The following PRDM2 variants were observed in gnomAD, a reference collection of about 807,000 sequenced individuals.
PRDM2 encodes the protein PR/SET domain 2.
PRDM2 carries 30 observed loss-of-function variants against 130.0 expected under a neutral mutation model. The ratio of observed to expected loss-of-function variants is 0.23; its 90% CI spans 0.17 to 0.31. The LOEUF is 0.31. Ranked by LOEUF, PRDM2 falls within the 10% of genes least tolerant of loss-of-function variation. The probability of loss-of-function intolerance (pLI) is 1.00; values close to 1 mark genes in which losing one functional copy is unlikely to be tolerated. For synonymous variants in PRDM2, 871 were observed against 782.4 expected (o/e 1.11, Z -1.89); for missense variants, 2,011 against 2,108.4 (o/e 0.95, Z 0.90).
chr1:13,705,182 T>A (rs761484559), intron 1 of PRDM2: 3 of 152,208 alleles, frequency 2.0e-5, no homozygotes, highest in African/African-American at 7.2e-5. Flanking sequence ...GGTAGGTCAC[T>A]TGTCCCCTGT....
intron 9 of PRDM2, among the ~76,000 whole-genome samples, chr1:13,820,141 G>C (rs553456839): frequency 6.6e-6 from 1 of 152,124 alleles, no homozygotes; most frequent in Non-Finnish European, 1.5e-5. Flanking sequence ...ACGGATCTTC[G>C]ACTTCTAATT....
chr1:13,740,625 C>T lies in PRDM2; in HGVS notation c.232-1380C>T, dbSNP rs1157488052. Among the ~76,000 whole-genome samples the T allele has an allele frequency of 2.0e-5, 3 of 152,276 alleles. No homozygotes were observed. In the East Asian group the frequency reaches 5.8e-4, roughly 29 times the overall value. On this transcript the variant is annotated intron_variant, in intron 4 of 9. Coordinates refer to ENST00000311066, the MANE Select transcript of PRDM2 (RefSeq NM_001393986.1). The stretch of plus-strand genomic sequence containing the variant: ...TCTGAGTCGAAGCCTTTCTTTATGA[C>T]AATTAAACAGGTGACTTTGGGAAAG...
chr1:13,749,924 C>A (rs1279889946), intron 6 of PRDM2, among the ~76,000 whole-genome samples: 5 of 152,110 alleles, frequency 3.3e-5, no homozygotes, highest in Non-Finnish European at 7.4e-5. Context: ...CAGACTCGGG[C>A]CCGCCGCGCA....
intron 1 of PRDM2, among the ~76,000 whole-genome samples, chr1:13,713,146 T>A (rs1006424582): frequency 2.8e-4 from 18 of 63,648 alleles, no homozygotes; most frequent in Admixed American, 4.4e-4. Flanking sequence ...GAGATTGTAG[T>A]AACTATCTCC....
chr1:13,769,894 T>A (rs937790940), intron 6 of PRDM2, among the ~76,000 whole-genome samples: 1 of 152,192 alleles, frequency 6.6e-6, no homozygotes, highest in African/African-American at 2.4e-5. Context: ...AGGGGACATC[T>A]GGCCATGTCT....
At chr1:13,793,400 T>G (rs892454788) in intron 8 of PRDM2, among the ~76,000 whole-genome samples, 1 of 152,122 alleles carries the variant, frequency 6.6e-6, no homozygotes, top group Non-Finnish European at 1.5e-5. Context: ...GCTAAGGAAA[T>G]TGCCAGGTCT....
At chr1:13,755,663 G>A (rs573466207) in intron 6 of PRDM2, among the ~76,000 whole-genome samples, 1 of 150,736 alleles carries the variant, frequency 6.6e-6, no homozygotes, top group African/African-American at 2.4e-5. Flanking sequence ...TTTTAAACTC[G>A]TTCAGTGTTT....
At chr1:13,738,373 A>G (rs2100495684) in intron 4 of PRDM2, among the ~76,000 whole-genome samples, 1 of 152,318 alleles carries the variant, frequency 6.6e-6, no homozygotes, top group African/African-American at 2.4e-5. Context: ...CATAGATAGA[A>G]TTTCTGATTT....
At chr1:13,727,313 G>A (rs551333984) in intron 2 of PRDM2, among the ~76,000 whole-genome samples, 128 of 152,156 alleles carry the variant, frequency 8.4e-4, no homozygotes, top group Non-Finnish European at 1.3e-3. Context: ...GGAGTGCAGT[G>A]GCACGATCTC....
At chr1:13,724,785 A>G (rs1285851964) in intron 2 of PRDM2, among the ~76,000 whole-genome samples, 1 of 152,222 alleles carries the variant, frequency 6.6e-6, no homozygotes, top group Non-Finnish European at 1.5e-5. Context: ...GGGAAAATGT[A>G]TAAAACAAAG....
At chr1:13,774,874 A>C (rs1413924519) in intron 7 of PRDM2, among the ~76,000 whole-genome samples, 2 of 151,792 alleles carry the variant, frequency 1.3e-5, no homozygotes, top group African/African-American at 4.8e-5. Context: ...AGGCTGAGGC[A>C]GGAAAATGGT....
chr1:13,791,716 T>C (rs912677721), intron 8 of PRDM2, among the ~76,000 whole-genome samples: 1 of 152,256 alleles, frequency 6.6e-6, no homozygotes, highest in African/African-American at 2.4e-5. Flanking sequence ...ATCATCACTC[T>C]ACATTAAATT....
intron 6 of PRDM2, among the ~76,000 whole-genome samples, chr1:13,755,592 G>T (rs1474482785): frequency 1.3e-5 from 2 of 151,602 alleles, no homozygotes; most frequent in Non-Finnish European, 2.9e-5. Flanking sequence ...CTAATTTCCT[G>T]TGTTTTCCTT....
intron 1 of PRDM2, among the ~76,000 whole-genome samples, chr1:13,709,394 A>G (rs922733036): frequency 3.9e-5 from 6 of 152,244 alleles, no homozygotes; most frequent in African/African-American, 1.2e-4. Flanking sequence ...TTCTATGACA[A>G]TGAATACCTT....
In PRDM2 at chr1:13,732,808, G is replaced by A; in HGVS notation, c.157G>A (p.Gly53Ser). 6.2e-7 allele frequency: 1 copy of A among 1,607,062 alleles called. No individual in the cohort carries two copies. Among genetic ancestry groups the A allele is most frequent in the Non-Finnish European group, 8.5e-7 (1 of 1,176,900 alleles). ...GVWATKPILK[G>S]KKFGPFVGDK... is the part of the protein sequence containing the mutation. ...CTGGGCCACTAAACCAATTTTAAAA[G>A]GCAAAAAATTTGGGCCATTTGTTGG... The change falls in exon 4 of 10, where the codon GGC becomes AGC. Residue 53 changes from glycine (G) to serine (S), a missense_variant. By Grantham distance (56) the Gly-to-Ser change is moderately conservative (BLOSUM62 0). Around this residue, in one of 5 missense-constraint regions of PRDM2, gnomAD observed 79 missense variants for 93.6 expected, o/e 0.84. Coordinates refer to ENST00000311066, the MANE Select transcript of PRDM2 (RefSeq NM_001393986.1).
intron 8 of PRDM2, chr1:13,786,708 C>T (rs765549892): frequency 1.4e-4 from 207 of 1,450,090 alleles, no homozygotes; most frequent in Non-Finnish European, 1.8e-4. Flanking sequence ...TCTGCTGCTT[C>T]GGTGGGGGCC....
Position 13,779,484 on chromosome 1 carries a change from T to A in PRDM2, c.1689T>A (p.Ser563=), listed in dbSNP as rs1644557175. The A allele has an allele frequency of 3.1e-6, 5 of 1,614,072 alleles. No homozygotes were observed. The highest frequency in any genetic ancestry group is 4.2e-6 in the Non-Finnish European group (5 of 1,179,908). Residue 563 remains serine (S), a synonymous_variant, in exon 8 of 10, where the codon TCT becomes TCA. Coordinates refer to ENST00000311066, the MANE Select transcript of PRDM2 (RefSeq NM_001393986.1). This position sits in a 1 kb window ranked among gnomAD's most constrained non-coding sequence, Gnocchi z 4.9. ...VYIMDISSNI[S]ENLNYYIDGK... is the part of the protein sequence containing the mutation. Reference sequence around the variant, plus strand: ...TCATGGACATTTCTAGCAATATCTCTGAAAACTTAAATTACTATATTGATG... The same window carrying A: ...TCATGGACATTTCTAGCAATATCTCAGAAAACTTAAATTACTATATTGATG...
At chr1:13,737,715 GA>G (rs1386389143) in intron 4 of PRDM2, among the ~76,000 whole-genome samples, 1 of 152,046 alleles carries the variant, frequency 6.6e-6, no homozygotes, top group Non-Finnish European at 1.5e-5. Flanking sequence ...GAAGTACAGA[GA>G]ATTAAGTGAT....
intron 4 of PRDM2, among the ~76,000 whole-genome samples, chr1:13,740,343 G>A (rs1643399896): frequency 6.6e-6 from 1 of 152,200 alleles, no homozygotes; most frequent in Non-Finnish European, 1.5e-5. Context: ...GGTGGGGAGT[G>A]AGTGGGACTT....
Sources: allele counts gnomAD v4.1 joint callset (sites outside exome capture counted in the v4.1 genomes callset), GRCh38; gene constraint gnomAD v4.1.1; regional missense constraint gnomAD v4.1.1; non-coding constraint Gnocchi (gnomAD v3.1); transcripts MANE v1.5; gene names NCBI Gene and HGNC (gene_info 2026-07-23, HGNC 2026-07-21).